Variants in PHLDB2 observed in about 807,000 individuals in gnomAD.
PHLDB2 encodes the protein pleckstrin homology-like domain family B member 2.
In PHLDB2, 71 loss-of-function variants were observed where a neutral mutation model predicts 123.6. The observed-to-expected ratio is 0.57, with a 90% CI of 0.47 to 0.70. The LOEUF is 0.70. Among genes scored for constraint, PHLDB2 ranks in the 30% least tolerant of loss-of-function variants. The pLI is 0.00. For synonymous variants in PHLDB2, 547 were observed against 541.6 expected (o/e 1.01, Z -0.14); for missense variants, 1,446 against 1,519.5 (o/e 0.95, Z 0.80).
intron 1 of PHLDB2, among the ~76,000 whole-genome samples, chr3:111,867,330 GTTGAC>G (rs1450341166): frequency 6.6e-6 from 1 of 152,068 alleles, no homozygotes; most frequent in Non-Finnish European, 1.5e-5. Flanking sequence ...TTTTATTGAT[GTTGAC>G]TTGCAGAATG....
chr3:111,921,896 C>T (rs4682325), intron 5 of PHLDB2, among the ~76,000 whole-genome samples: 75,234 of 152,048 alleles, frequency 0.49, 19,198 homozygotes, highest in Non-Finnish European at 0.54. Context: ...GCCGCCGCGC[C>T]CGGCCCAAAC....
chr3:111,900,732 A>T (rs1290966375), intron 2 of PHLDB2, among the ~76,000 whole-genome samples: 1 of 152,234 alleles, frequency 6.6e-6, no homozygotes, highest in Non-Finnish European at 1.5e-5. Flanking sequence ...TATTGGAAAA[A>T]TGTGCTAATA....
rs1553721282 is a variant in PHLDB2, at chr3:111,739,583, A to AAAC, written c.-49+6882_-49+6883insCAA. Reference sequence around the variant, plus strand: ...CACCTCTTCTGAAGTTAAAAAAAAAAAAAACAAAACAAACAAAAAAAAAAA... The same window carrying AAAC: ...CACCTCTTCTGAAGTTAAAAAAAAAAAACAAAACAAAACAAACAAAAAAAAAAA... On this transcript the variant is annotated intron_variant, in intron 1 of 17. Coordinates refer to the PHLDB2 transcript ENST00000393923. 5.3e-3 allele frequency among the ~76,000 whole-genome samples: 422 copies of AAAC among 79,420 alleles called. 7 individuals carry two copies. The highest frequency in any genetic ancestry group is 0.017 in the Middle Eastern group (2 of 118). 52.1% of individuals were successfully genotyped at this position (79,420 alleles called of 152,430 possible). A position where few individuals can be genotyped will look rare whatever the true frequency, so the allele number is the denominator to read the frequency against.
chr3:111,821,847 A>C (rs1043439494), intron 1 of PHLDB2, among the ~76,000 whole-genome samples: 1 of 152,216 alleles, frequency 6.6e-6, no homozygotes, highest in South Asian at 2.1e-4. Context: ...CTATTTGAAC[A>C]TGTTCCTCTT....
At chr3:111,858,830 C>G (rs1356838749), upstream of PHLDB2, among the ~76,000 whole-genome samples, 2 of 152,146 alleles carry the variant, frequency 1.3e-5, no homozygotes, top group Admixed American at 1.3e-4. Context: ...GGGACTCGCC[C>G]AGACCTTGGA....
At chr3:111,782,761 C>T (rs182015765) in intron 1 of PHLDB2, among the ~76,000 whole-genome samples, 66 of 152,212 alleles carry the variant, frequency 4.3e-4, no homozygotes, top group African/African-American at 1.5e-3. Context: ...GGCAACAACC[C>T]TCTCTACTTT....
At chr3:111,761,987 G>A (rs550035069) in intron 1 of PHLDB2, among the ~76,000 whole-genome samples, 160 of 152,258 alleles carry the variant, frequency 1.1e-3, no homozygotes, top group African/African-American at 3.6e-3. Context: ...CCTAAAAGGG[G>A]CACTGCTAAA....
intron 1 of PHLDB2, among the ~76,000 whole-genome samples, chr3:111,768,206 T>C (rs565837540): frequency 5.9e-5 from 9 of 152,256 alleles, no homozygotes; most frequent in African/African-American, 2.2e-4. Flanking sequence ...TGATAGAAAC[T>C]GGATTGCAAG....
intron 2 of PHLDB2, among the ~76,000 whole-genome samples, chr3:111,903,090 A>G (rs768194276): frequency 6.6e-6 from 1 of 152,180 alleles, no homozygotes; most frequent in African/African-American, 2.4e-5. Flanking sequence ...GGTTCATGAG[A>G]TAAGATTAAA....
intron 1 of PHLDB2, among the ~76,000 whole-genome samples, chr3:111,746,389 A>T (rs1163291814): frequency 6.6e-6 from 1 of 152,226 alleles, no homozygotes; most frequent in Admixed American, 6.5e-5. Context: ...GGAAGAAATT[A>T]TCAAAAAGTA....
At chr3:111,808,440 A>G (rs964216536) in intron 1 of PHLDB2, among the ~76,000 whole-genome samples, 11 of 151,382 alleles carry the variant, frequency 7.3e-5, no homozygotes, top group Non-Finnish European at 1.3e-4. Flanking sequence ...CTGTGCTGCC[A>G]CTTTTCTTTT....
At chr3:111,780,381 A>G (rs1360464084) in intron 1 of PHLDB2, among the ~76,000 whole-genome samples, 67 of 43,652 alleles carry the variant, frequency 1.5e-3, no homozygotes, top group Non-Finnish European at 2.9e-3. Flanking sequence ...AAGAAGAAGA[A>G]GAAGAAGAAG....
intron 2 of PHLDB2, among the ~76,000 whole-genome samples, chr3:111,907,503 T>C (rs1358058099): frequency 6.6e-6 from 1 of 152,114 alleles, no homozygotes; most frequent in Non-Finnish European, 1.5e-5. Context: ...TTTGTTTGTT[T>C]GTTTGTTTTT....
intron 13 of PHLDB2, among the ~76,000 whole-genome samples, chr3:111,962,853 C>T (rs6785350): frequency 0.17 from 24,792 of 149,550 alleles, 2,342 homozygotes; most frequent in African/African-American, 0.25. Context: ...CCCTTAAACC[C>T]GGGAGGCGGA....
intron 2 of PHLDB2, among the ~76,000 whole-genome samples, chr3:111,896,047 G>A (rs1486161822): frequency 6.6e-6 from 1 of 152,070 alleles, no homozygotes; most frequent in African/African-American, 2.4e-5. Context: ...CCAGGCTGGA[G>A]TACAGTGGCA....
intron 1 of PHLDB2, among the ~76,000 whole-genome samples, chr3:111,880,089 A>G (rs2065862802): frequency 6.7e-6 from 1 of 148,756 alleles, no homozygotes; most frequent in Non-Finnish European, 1.5e-5. Flanking sequence ...ATCTGGACAC[A>G]GTTTTCTCCA....
intron 2 of PHLDB2, among the ~76,000 whole-genome samples, chr3:111,896,358 G>C (rs63536560): frequency 0.35 from 22,771 of 64,872 alleles, 1,804 homozygotes; most frequent in East Asian, 0.43. Context: ...TTCTTCCCCC[G>C]CCCCGAGACG....
intron 1 of PHLDB2, among the ~76,000 whole-genome samples, chr3:111,829,724 A>T (rs1159207338): frequency 6.6e-6 from 1 of 152,038 alleles, no homozygotes; most frequent in African/African-American, 2.4e-5. Context: ...GGCCTCCCAA[A>T]GTGCTGGGAT....
At chr3:111,743,897 A>G (rs151041327) in intron 1 of PHLDB2, among the ~76,000 whole-genome samples, 65 of 152,342 alleles carry the variant, frequency 4.3e-4, no homozygotes, top group African/African-American at 1.4e-3. Context: ...AACAATTTTC[A>G]TATTGGTTTC....
Sources: gnomAD v4.1 joint callset for allele counts (sites outside exome capture counted in the v4.1 genomes callset) on GRCh38, gnomAD v4.1.1 for gene constraint, MANE v1.5 for transcripts, NCBI Gene and HGNC (gene_info 2026-07-23, HGNC 2026-07-21) for gene names.